The following PIK3C2G variants were observed in gnomAD, a reference collection of about 807,000 sequenced individuals.
PIK3C2G encodes the protein phosphatidylinositol-4-phosphate 3-kinase catalytic subunit type 2 gamma, also known as phosphatidylinositol 3-kinase C2 domain-containing subunit gamma.
PIK3C2G carries 168 observed loss-of-function variants against 181.1 expected under a neutral mutation model. The observed-to-expected ratio is 0.93, with a 90% CI of 0.82 to 1.05. The LOEUF (loss-of-function observed/expected upper bound fraction) is 1.05. Among genes scored for constraint, PIK3C2G ranks in the 50% least tolerant of loss-of-function variants. PIK3C2G has a pLI of 0.00. For synonymous variants in PIK3C2G, 573 were observed against 592.2 expected (o/e 0.97, Z 0.47); for missense variants, 1,869 against 1,732.8 (o/e 1.08, Z -1.40).
intron 26 of PIK3C2G, among the ~76,000 whole-genome samples, chr12:18,554,209 C>T (rs917676232): frequency 2.6e-5 from 4 of 152,058 alleles, no homozygotes; most frequent in Non-Finnish European, 5.9e-5. Context: ...TCCCAGGACA[C>T]AACTATGCCA....
At chr12:18,582,415 A>AGG (rs765824739) in intron 29 of PIK3C2G, among the ~76,000 whole-genome samples, 65 of 152,260 alleles carry the variant, frequency 4.3e-4, no homozygotes, top group Admixed American at 1.2e-3. Context: ...CCACTCCACC[A>AGG]GGGCCTTCAG....
chr12:18,521,984 G>A (rs1942951766), intron 24 of PIK3C2G, among the ~76,000 whole-genome samples: 1 of 152,156 alleles, frequency 6.6e-6, no homozygotes, highest in Non-Finnish European at 1.5e-5. Context: ...CCTTGGCTGG[G>A]GGGTGGGGGC....
At chr12:18,713,131 C>T in the PIK3C2G span, 14 of 1,106,946 alleles carry the variant, frequency 1.3e-5, no homozygotes, top group Non-Finnish European at 1.8e-5. Context: ...GTCTTTGGGA[C>T]AAGTTTTGAG....
intron 18 of PIK3C2G, among the ~76,000 whole-genome samples, chr12:18,457,144 T>C (rs186885850): frequency 2.6e-5 from 4 of 152,196 alleles, no homozygotes; most frequent in African/African-American, 9.6e-5. Flanking sequence ...ACTGGAGCCA[T>C]GGATAATGGA....
the PIK3C2G span, chr12:18,684,382 A>G: frequency 9.0e-7 from 1 of 1,108,554 alleles, no homozygotes; most frequent in South Asian, 1.5e-5. Flanking sequence ...CCCTTTAACA[A>G]TAATATCTTG....
chr12:18,327,549 A>C (rs1951401646), intron 8 of PIK3C2G, among the ~76,000 whole-genome samples: 1 of 152,066 alleles, frequency 6.6e-6, no homozygotes, highest in Non-Finnish European at 1.5e-5. Context: ...TAGGCCAGGC[A>C]TTCTGGCTAT....
chr12:18,298,578 T>C (rs372988141), intron 5 of PIK3C2G, among the ~76,000 whole-genome samples: 2 of 151,902 alleles, frequency 1.3e-5, no homozygotes, highest in Non-Finnish European at 2.9e-5. Flanking sequence ...ATTTTTGTTT[T>C]TGTTGCCTGT....
At chr12:18,693,368 T>A in the PIK3C2G span, 1 of 1,603,134 alleles carries the variant, frequency 6.2e-7, no homozygotes, top group Non-Finnish European at 8.5e-7. Flanking sequence ...TTCGGGAAAT[T>A]AAGGAATCTG....
intron 7 of PIK3C2G, among the ~76,000 whole-genome samples, chr12:18,323,503 A>G (rs1951199318): frequency 6.6e-6 from 1 of 152,006 alleles, no homozygotes; most frequent in African/African-American, 2.4e-5. Flanking sequence ...TTCACCCCTT[A>G]TTTTTCTCAA....
At chr12:18,447,948 T>A (rs934573074) in intron 18 of PIK3C2G, among the ~76,000 whole-genome samples, 2 of 152,100 alleles carry the variant, frequency 1.3e-5, no homozygotes, top group Non-Finnish European at 2.9e-5. Flanking sequence ...TTATGGGGGA[T>A]TTCCTCCACT....
chr12:18,427,036 T>A (rs1377655436), intron 18 of PIK3C2G, among the ~76,000 whole-genome samples: 2 of 152,188 alleles, frequency 1.3e-5, no homozygotes, highest in Non-Finnish European at 2.9e-5. Flanking sequence ...TGTTCTGCTG[T>A]CATATTAAAT....
intron 12 of PIK3C2G, among the ~76,000 whole-genome samples, chr12:18,367,567 T>A (rs1377332770): frequency 9.2e-5 from 14 of 152,096 alleles, no homozygotes; most frequent in Non-Finnish European, 1.8e-4. Context: ...TTATTTATTT[T>A]TTTTGAGATG....
intron 5 of PIK3C2G, among the ~76,000 whole-genome samples, chr12:18,311,550 T>TGC (rs929268379): frequency 1.8e-4 from 27 of 151,654 alleles, no homozygotes; most frequent in African/African-American, 6.0e-4. Flanking sequence ...TGTGTGTGTG[T>TGC]GCATGAAAAT....
chr12:18,608,710 T>C (rs151156430), intron 30 of PIK3C2G, among the ~76,000 whole-genome samples: 133 of 151,908 alleles, frequency 8.8e-4, no homozygotes, highest in African/African-American at 3.1e-3. Context: ...AGTATAATAA[T>C]AAAAAAAGTA....
At chr12:18,646,287 G>T (rs950880291) in intron 32 of PIK3C2G, among the ~76,000 whole-genome samples, 8 of 152,142 alleles carry the variant, frequency 5.3e-5, no homozygotes, top group African/African-American at 1.9e-4. Flanking sequence ...ATATGTACAA[G>T]AAAATATCAT....
chr12:18,600,450 A>G (rs1323955699), intron 30 of PIK3C2G, among the ~76,000 whole-genome samples: 1 of 152,088 alleles, frequency 6.6e-6, no homozygotes, highest in African/African-American at 2.4e-5. Flanking sequence ...AAACCAAACC[A>G]AATAAACCAA....
intron 20 of PIK3C2G, among the ~76,000 whole-genome samples, chr12:18,494,130 A>G (rs1243041364): frequency 6.6e-6 from 1 of 152,108 alleles, no homozygotes; most frequent in Non-Finnish European, 1.5e-5. Context: ...TTATTATACC[A>G]TCTCCATAAA....
chr12:18,688,067 A>G, the PIK3C2G span: 126 of 1,608,842 alleles, frequency 7.8e-5, no homozygotes, highest in African/African-American at 1.5e-3. Context: ...TGGAAATTCA[A>G]TAAGGTATAT....
chr12:18,332,073 G>A (rs551173679), intron 8 of PIK3C2G, among the ~76,000 whole-genome samples: 1 of 152,192 alleles, frequency 6.6e-6, no homozygotes, highest in Admixed American at 6.5e-5. Flanking sequence ...CTATATTTAT[G>A]AGGGACATCA....
Sources: allele counts gnomAD v4.1 joint callset (sites outside exome capture counted in the v4.1 genomes callset), GRCh38; gene constraint gnomAD v4.1.1; transcripts MANE v1.5; gene names NCBI Gene and HGNC (gene_info 2026-07-23, HGNC 2026-07-21).